Variants in DZANK1 observed in about 807,000 individuals in gnomAD.
The protein encoded by DZANK1 is double zinc ribbon and ankyrin repeat domains 1.
DZANK1 carries 91 observed loss-of-function variants against 94.5 expected under a neutral mutation model. The observed-to-expected ratio is 0.96, with a 90% CI of 0.81 to 1.15. DZANK1 has a LOEUF of 1.15. Ranked by LOEUF, DZANK1 falls within the 50% of genes most tolerant of loss-of-function variation. The probability of loss-of-function intolerance (pLI) is 0.00; values close to 1 mark genes in which losing one functional copy is unlikely to be tolerated. For synonymous variants in DZANK1, 312 were observed against 325.3 expected (o/e 0.96, Z 0.44); for missense variants, 903 against 916.4 (o/e 0.99, Z 0.19).
intron 14 of DZANK1, 129 bp downstream of exon 14, chr20:18,398,394 G>A: frequency 1.3e-6 from 1 of 773,812 alleles, no homozygotes; most frequent in Non-Finnish European, 2.2e-6. Flanking sequence ...AGAAGAGTAA[G>A]AAAGTGTAGA....
rs1027492441 is a variant in DZANK1, at chr20:18,415,469, T to G, written c.955-20A>C. The G allele has an allele frequency of 6.7e-7, 1 of 1,486,170 alleles. No homozygotes were observed. The highest frequency in any genetic ancestry group is 1.4e-5 in the South Asian group (1 of 71,306). 92.1% of individuals were successfully genotyped at this position (1,486,170 alleles called of 1,614,324 possible). ...CATCGACTGGTGAATGAAATGGCAT[T>G]TAAAGGCAGGATCAGTACTATATTC... On this transcript the variant is annotated intron_variant, in intron 10 of 20. Transcript: ENST00000262547.
chr20:18,407,189 C>T (rs1171132903), intron 13 of DZANK1, among the ~76,000 whole-genome samples: 1 of 152,206 alleles, frequency 6.6e-6, no homozygotes, highest in East Asian at 1.9e-4. Context: ...TATGACCCAA[C>T]TCAGTCCCAA....
intron 8 of DZANK1, among the ~76,000 whole-genome samples, chr20:18,437,176 G>T (rs1051582434): frequency 1.3e-5 from 2 of 152,150 alleles, no homozygotes; most frequent in Non-Finnish European, 2.9e-5. Flanking sequence ...AATGACATAA[G>T]ATTGTATAAC....
At chr20:18,452,822 T>C in intron 5 of DZANK1, 83 bp from the exon 6 acceptor site, 2 of 1,371,752 alleles carry the variant, frequency 1.5e-6, no homozygotes, top group Non-Finnish European at 1.9e-6. Flanking sequence ...GCGGGAGACC[T>C]TTTAATAAAG....
At chr20:18,426,986 C>T (rs780918397) in intron 10 of DZANK1, 81 bp downstream of exon 10, 84 of 1,058,496 alleles carry the variant, frequency 7.9e-5, no homozygotes, top group Non-Finnish European at 1.1e-4. Flanking sequence ...CCAACCCCCT[C>T]GGCAGATTCT....
At chr20:18,398,581 C>T (rs2056492372) in exon 14 of DZANK1, 3 of 1,614,008 alleles carry the variant, frequency 1.9e-6, no homozygotes, top group Non-Finnish European at 2.5e-6. Flanking sequence ...CTGAGCATAA[C>T]ACCTGAGGTG....
intron 8 of DZANK1, among the ~76,000 whole-genome samples, chr20:18,436,719 A>G (rs917383316): frequency 1.3e-5 from 2 of 152,170 alleles, no homozygotes; most frequent in Admixed American, 6.5e-5. Context: ...AGCACATCCA[A>G]TAAGCTCAGT....
At chr20:18,429,195 T>C (rs1463016291) in intron 9 of DZANK1, among the ~76,000 whole-genome samples, 1 of 152,030 alleles carries the variant, frequency 6.6e-6, no homozygotes, top group Non-Finnish European at 1.5e-5. Flanking sequence ...AATACTGAGA[T>C]CAAATAAAAG....
intron 6 of DZANK1, among the ~76,000 whole-genome samples, chr20:18,449,453 C>T (rs1157881165): frequency 6.6e-6 from 1 of 152,060 alleles, no homozygotes; most frequent in East Asian, 1.9e-4. Flanking sequence ...GTGCTATTCA[C>T]AATCATATAT....
chr20:18,432,110 T>G (rs1308695448), intron 9 of DZANK1, among the ~76,000 whole-genome samples: 1 of 152,276 alleles, frequency 6.6e-6, no homozygotes, highest in Non-Finnish European at 1.5e-5. Context: ...ATTACTTACA[T>G]GTACCTTTGT....
chr20:18,393,291 C>T (rs775227753), intron 17 of DZANK1, among the ~76,000 whole-genome samples: 11 of 152,200 alleles, frequency 7.2e-5, no homozygotes, highest in Non-Finnish European at 1.3e-4. Context: ...CCTGCCCACA[C>T]TCCCTCCAGG....
intron 10 of DZANK1, among the ~76,000 whole-genome samples, chr20:18,426,535 T>C (rs2058052134): frequency 6.6e-6 from 1 of 152,224 alleles, no homozygotes; most frequent in Non-Finnish European, 1.5e-5. Context: ...TGGAAGTAAT[T>C]TTAATTTTCA....
chr20:18,455,347 CTCTG>C lies in DZANK1; in HGVS notation c.274_277del (p.Gln92ValfsTer4), dbSNP rs778940071. 5.6e-6 allele frequency: 9 copies of C among 1,603,582 alleles called. No homozygotes were observed. Among genetic ancestry groups the C allele is most frequent in the Admixed American group, 1.7e-5 (1 of 58,694 alleles). ...GTGAAACACCTTTGTCACAATGCCACTCTGTCTGCAGTCTCTGAAAATTATTATT... is the reference window on the plus strand; with the variant it reads ...GTGAAACACCTTTGTCACAATGCCACTCTGCAGTCTCTGAAAATTATTATT... On this transcript the variant is annotated frameshift_variant, in exon 4 of 21. Coordinates refer to ENST00000262547, the Ensembl canonical transcript of DZANK1. LOFTEE classifies it high-confidence loss of function.
chr20:18,398,647 C>T lies in DZANK1; in HGVS notation c.1433-21G>A, dbSNP rs772233794. On this transcript the variant is annotated intron_variant, in intron 13 of 20. Coordinates refer to ENST00000262547, the Ensembl canonical transcript of DZANK1. ...GTACCCTAAGAAAGAAGAGAAACCCCGCCATCTGGATGATTCTCCTGAGAC... is the reference window on the plus strand; with the variant it reads ...GTACCCTAAGAAAGAAGAGAAACCCTGCCATCTGGATGATTCTCCTGAGAC... The T allele has an allele frequency of 1.1e-5, 17 of 1,602,796 alleles. No individual in the cohort carries two copies. The African/African-American group carries it at 1.1e-4, about 10-fold the overall frequency.
chr20:18,462,615 GCAGAGAAAAGGGACA>G (rs2059507963), intron 2 of DZANK1, among the ~76,000 whole-genome samples: 1 of 152,098 alleles, frequency 6.6e-6, no homozygotes, highest in South Asian at 2.1e-4. Flanking sequence ...AACAGATGTT[GCAGAGAAAAGGGACA>G]CTTATACACT....
chr20:18,419,177 G>A (rs533425419), intron 10 of DZANK1, among the ~76,000 whole-genome samples: 2 of 151,330 alleles, frequency 1.3e-5, no homozygotes, highest in African/African-American at 2.4e-5. Context: ...CAGGAGAATC[G>A]CTTGAACCTG....
intron 19 of DZANK1, among the ~76,000 whole-genome samples, chr20:18,387,894 G>T (rs8114685): frequency 1.2e-3 from 178 of 152,304 alleles, no homozygotes; most frequent in African/African-American, 4.0e-3. Flanking sequence ...ATTCTTGTTT[G>T]CTAAGGAACA....
chr20:18,428,680 C>A (rs2058160091), intron 9 of DZANK1: 1 of 152,242 alleles, frequency 6.6e-6, no homozygotes, highest in Non-Finnish European at 1.5e-5. Flanking sequence ...CTCAAGTGTT[C>A]CTTTCTAGTC....
chr20:18,460,299 TG>T lies in DZANK1; in HGVS notation c.116del (p.Pro39GlnfsTer17). On this transcript the variant is annotated frameshift_variant, in exon 3 of 21. Transcript: ENST00000262547. LOFTEE classifies it high-confidence loss of function. ...CCAGAGTATAATATATGTTGACATC[TG>T]GAGTGTCTGAAAAATCCAAAACAGG... The T allele has an allele frequency of 6.6e-7, 1 of 1,526,328 alleles. No individual in the cohort carries two copies. The highest frequency in any genetic ancestry group is 1.3e-5 in the South Asian group (1 of 78,920). 94.5% of individuals were successfully genotyped at this position (1,526,328 alleles called of 1,614,324 possible). A position where few individuals can be genotyped will look rare whatever the true frequency, so the allele number is the denominator to read the frequency against.
Sources: gnomAD v4.1 joint callset for allele counts (sites outside exome capture counted in the v4.1 genomes callset) on GRCh38, gnomAD v4.1.1 for gene constraint, MANE v1.5 for transcripts, NCBI Gene and HGNC (gene_info 2026-07-23, HGNC 2026-07-21) for gene names.